Variants in ZMAT5 observed in about 807,000 individuals in gnomAD.
The protein encoded by ZMAT5 is zinc finger matrin-type 5.
ZMAT5 carries 23 observed loss-of-function variants against 28.0 expected under a neutral mutation model. That is an observed-to-expected ratio of 0.82 (90% CI 0.59 to 1.16). The LOEUF (loss-of-function observed/expected upper bound fraction) is 1.16. Ranked by LOEUF, ZMAT5 falls within the 50% of genes most tolerant of loss-of-function variation. The pLI is 0.00. For missense variants in ZMAT5, 173 were observed against 212.7 expected (o/e 0.81, Z 1.16); for synonymous variants, 76 against 84.1 (o/e 0.90, Z 0.52).
intron 4 of ZMAT5, 97 bp from the exon 5 acceptor site, chr22:29,738,538 C>T: frequency 9.6e-7 from 1 of 1,046,028 alleles, no homozygotes; most frequent in Non-Finnish European, 1.4e-6. Flanking sequence ...AGGCCCTGAG[C>T]AAGCCTGGGA....
chr22:29,747,781 G>C (rs541046749), intron 2 of ZMAT5: 28 of 162,792 alleles, frequency 1.7e-4, no homozygotes, highest in Admixed American at 8.0e-4. Flanking sequence ...GCCTTTCCCA[G>C]AAGAGCCTGC....
chr22:29,761,934 C>T (rs2068161383), intron 1 of ZMAT5, among the ~76,000 whole-genome samples: 1 of 152,094 alleles, frequency 6.6e-6, no homozygotes, highest in Admixed American at 6.6e-5. Context: ...GAAATACAGC[C>T]TGTTTTTTTG....
intron 1 of ZMAT5, among the ~76,000 whole-genome samples, chr22:29,757,364 C>T (rs1257666031): frequency 6.6e-6 from 1 of 151,988 alleles, no homozygotes; most frequent in Non-Finnish European, 1.5e-5. Context: ...TTCCCTTAAA[C>T]ACAACTACTC....
At chr22:29,739,581 T>C (rs2067941960) in intron 4 of ZMAT5, among the ~76,000 whole-genome samples, 2 of 152,216 alleles carry the variant, frequency 1.3e-5, no homozygotes, top group Admixed American at 1.3e-4. Flanking sequence ...AGCTGCCAGC[T>C]GGGACTCTGT....
chr22:29,749,372 C>T (rs564328034), intron 1 of ZMAT5, among the ~76,000 whole-genome samples: 5 of 152,254 alleles, frequency 3.3e-5, no homozygotes, highest in Admixed American at 1.3e-4. Flanking sequence ...CGCCCCATCC[C>T]CTACCATACC....
At chr22:29,754,205 C>T (rs1224326550) in intron 1 of ZMAT5, among the ~76,000 whole-genome samples, 2 of 152,178 alleles carry the variant, frequency 1.3e-5, no homozygotes, top group East Asian at 3.9e-4. Flanking sequence ...TCATCCCCAT[C>T]CTCTGAGGGT....
At chr22:29,740,250 G>A (rs565260525) in intron 4 of ZMAT5, among the ~76,000 whole-genome samples, 13 of 152,258 alleles carry the variant, frequency 8.5e-5, no homozygotes, top group African/African-American at 2.9e-4. Flanking sequence ...GGGAAGGTGC[G>A]TTCCTAAACT....
chr22:29,762,782 C>T (rs1346618422), intron 1 of ZMAT5, among the ~76,000 whole-genome samples: 1 of 152,142 alleles, frequency 6.6e-6, no homozygotes, highest in Non-Finnish European at 1.5e-5. Context: ...TGAAACCATC[C>T]CCCTCCTGTA....
chr22:29,742,638 A>G (rs1230366486), intron 2 of ZMAT5, among the ~76,000 whole-genome samples, 158 bp from the exon 3 acceptor site: 1 of 152,190 alleles, frequency 6.6e-6, no homozygotes, highest in African/African-American at 2.4e-5. Flanking sequence ...GGAGATGACC[A>G]CAGGTGGGAG....
intron 1 of ZMAT5, among the ~76,000 whole-genome samples, chr22:29,755,006 G>A (rs963022690): frequency 5.9e-5 from 9 of 151,794 alleles, no homozygotes; most frequent in Non-Finnish European, 1.0e-4. Context: ...CTTTAAAATC[G>A]CAGTCAAGGC....
At chr22:29,757,680 ACAGAG>A (rs1380620570) in intron 1 of ZMAT5, among the ~76,000 whole-genome samples, 1 of 152,160 alleles carries the variant, frequency 6.6e-6, no homozygotes, top group Non-Finnish European at 1.5e-5. Flanking sequence ...GACCAAGAGA[ACAGAG>A]CAGAGGTGAG....
intron 2 of ZMAT5, among the ~76,000 whole-genome samples, chr22:29,743,550 C>T (rs1569336785): frequency 6.6e-6 from 1 of 152,212 alleles, no homozygotes; most frequent in Non-Finnish European, 1.5e-5. Flanking sequence ...TCCCCCTCAG[C>T]CTCCCGAGTA....
In ZMAT5 at chr22:29,731,274, G is replaced by A; in HGVS notation, c.464C>T (p.Ala155Val). Reference protein sequence around the residue: ...PVQELPPSLRAPPPGGWPLQP... With the variant: ...PVQELPPSLRVPPPGGWPLQP... The stretch of plus-strand genomic sequence containing the variant: ...CAGAGGCCACCCCCCAGGTGGGGGT[G>A]CCCGCAGGGATGGAGGCAGCTCCTG... Residue 155 changes from alanine (A) to valine (V), a missense_variant, in exon 6 of 6, where the codon GCA becomes GTA. Coordinates refer to ENST00000344318, the MANE Select transcript of ZMAT5 (RefSeq NM_001003692.2). 1 of 1,520,270 alleles carries A rather than the reference G, an allele frequency of 6.6e-7. No individual in the cohort carries two copies. Among genetic ancestry groups the A allele is most frequent in the Non-Finnish European group, 8.7e-7 (1 of 1,147,328 alleles). The allele number at this position is 1,520,270 out of a possible 1,614,324, so 94.2% of individuals were successfully genotyped here. A position where few individuals can be genotyped will look rare whatever the true frequency, so the allele number is the denominator to read the frequency against.
At chr22:29,754,449 C>T (rs1023924396) in intron 1 of ZMAT5, among the ~76,000 whole-genome samples, 3 of 152,214 alleles carry the variant, frequency 2.0e-5, no homozygotes, top group Non-Finnish European at 2.9e-5. Context: ...TGGGTCACAT[C>T]TGAATTCCAG....
chr22:29,746,381 T>C (rs2068008913), intron 2 of ZMAT5: 1 of 152,192 alleles, frequency 6.6e-6, no homozygotes, highest in South Asian at 2.1e-4. Flanking sequence ...ACTCCTGACC[T>C]CAGGTGATCC....
chr22:29,746,701 C>T (rs1444621345), intron 2 of ZMAT5: 1 of 152,206 alleles, frequency 6.6e-6, no homozygotes, highest in Non-Finnish European at 1.5e-5. Context: ...ACACTGAGAA[C>T]ACAGGAGCCC....
intron 5 of ZMAT5, among the ~76,000 whole-genome samples, chr22:29,735,160 G>A (rs569860054): frequency 6.6e-6 from 1 of 152,314 alleles, no homozygotes; most frequent in South Asian, 2.1e-4. Context: ...GCCCAGGACG[G>A]AGGGAAAGGC....
In ZMAT5 at chr22:29,748,481, T is replaced by G. The variant is rs1368121800; in HGVS notation, c.64A>C (p.Lys22Gln). The G allele has an allele frequency of 1.9e-6, 3 of 1,614,114 alleles. No homozygotes were observed. Among genetic ancestry groups the G allele is most frequent in the Non-Finnish European group, 2.5e-6 (3 of 1,180,044 alleles). ...TGCTGCAGCCCGTTCAGGTGCTTCT[T>G]GCGGTTGTGGAGGTTGTCCTGGAAG... is the stretch of plus-strand genomic sequence containing the variant. Reference protein sequence around the residue: ...RSFQDNLHNRKKHLNGLQHLK... With the variant: ...RSFQDNLHNRQKHLNGLQHLK... Residue 22 changes from lysine (K) to glutamine (Q), a missense_variant, in exon 2 of 6, where the codon AAG becomes CAG. Coordinates refer to ENST00000344318, the MANE Select transcript of ZMAT5 (RefSeq NM_001003692.2).
At chr22:29,757,026 G>A (rs759546253) in intron 1 of ZMAT5, among the ~76,000 whole-genome samples, 8 of 151,916 alleles carry the variant, frequency 5.3e-5, no homozygotes, top group African/African-American at 1.5e-4. Context: ...GCGACAGAGC[G>A]AGACTATCTC....
Sources: gnomAD v4.1 joint callset for allele counts (sites outside exome capture counted in the v4.1 genomes callset) on GRCh38, gnomAD v4.1.1 for gene constraint, MANE v1.5 for transcripts, NCBI Gene and HGNC (gene_info 2026-07-23, HGNC 2026-07-21) for gene names.